Variants in RPAP2 observed in about 807,000 individuals in gnomAD.
RPAP2 encodes putative RNA polymerase II subunit B1 CTD phosphatase RPAP2.
RPAP2 carries 52 observed loss-of-function variants against 73.1 expected under a neutral mutation model. That is an observed-to-expected ratio of 0.71 (90% CI 0.57 to 0.90). RPAP2 has a LOEUF of 0.90. Ranked by LOEUF, RPAP2 falls within the 40% of genes least tolerant of loss-of-function variation. The pLI is 0.00. For missense variants in RPAP2, 598 were observed against 701.8 expected (o/e 0.85, Z 1.67); for synonymous variants, 225 against 242.1 (o/e 0.93, Z 0.65).
intron 3 of RPAP2, among the ~76,000 whole-genome samples, chr1:92,302,183 A>C (rs1385066885): frequency 6.6e-6 from 1 of 152,164 alleles, no homozygotes; most frequent in African/African-American, 2.4e-5. Flanking sequence ...AGGCTGAGGC[A>C]TGAGAATCAC....
chr1:92,344,917 T>C (rs1243103310), intron 10 of RPAP2, among the ~76,000 whole-genome samples: 1 of 152,212 alleles, frequency 6.6e-6, no homozygotes, highest in Non-Finnish European at 1.5e-5. Flanking sequence ...TATTGGCTGA[T>C]ATTTTCTTAT....
intron 6 of RPAP2, among the ~76,000 whole-genome samples, chr1:92,318,639 C>T (rs1207762485): frequency 6.6e-6 from 1 of 152,222 alleles, no homozygotes; most frequent in East Asian, 1.9e-4. Flanking sequence ...TTCATATGGG[C>T]TCTCATTTCT....
Position 92,323,469 on chromosome 1 carries a change from G to A in RPAP2, c.549G>A (p.Gln183=), listed in dbSNP as rs752220922. 12 of 1,607,758 alleles carry A rather than the reference G, an allele frequency of 7.5e-6. No homozygotes were observed. Among genetic ancestry groups the A allele is most frequent in the Non-Finnish European group, 9.4e-6 (11 of 1,176,304 alleles). ...EQSGHSGEEV[Q]LCSKAIKTSD... Reference sequence around the variant, plus strand: ...GTGGCCATTCTGGAGAAGAAGTACAGTTATGCAGTAAAGCCATTAAAACAT... The same window carrying A: ...GTGGCCATTCTGGAGAAGAAGTACAATTATGCAGTAAAGCCATTAAAACAT... Residue 183 remains glutamine (Q), a synonymous_variant, in exon 8 of 13, where the codon CAG becomes CAA. Transcript: ENST00000610020.
chr1:92,359,915 G>A (rs764335255), intron 11 of RPAP2, among the ~76,000 whole-genome samples: 3 of 151,912 alleles, frequency 2.0e-5, no homozygotes, highest in Non-Finnish European at 4.4e-5. Flanking sequence ...GGGGAGGGAG[G>A]GGAAACAGAC....
intron 11 of RPAP2, among the ~76,000 whole-genome samples, chr1:92,370,227 T>C (rs536321790): frequency 3.3e-5 from 5 of 152,322 alleles, no homozygotes; most frequent in African/African-American, 1.2e-4. Flanking sequence ...TGTTTTGTTT[T>C]ATATTTTGAA....
chr1:92,381,659 A>C (rs1023687985), intron 12 of RPAP2, among the ~76,000 whole-genome samples: 10 of 151,330 alleles, frequency 6.6e-5, no homozygotes, highest in Non-Finnish European at 1.0e-4. Context: ...AAAATTAAGC[A>C]ATACAGACTG....
chr1:92,363,634 A>G, intron 11 of RPAP2: 1 of 254,308 alleles, frequency 3.9e-6, no homozygotes, highest in Non-Finnish European at 7.9e-6. Flanking sequence ...GTCCACTTCT[A>G]TGCGGATATT....
chr1:92,337,632 A>G (rs1043541149), intron 10 of RPAP2, among the ~76,000 whole-genome samples: 2 of 152,182 alleles, frequency 1.3e-5, no homozygotes, highest in South Asian at 4.1e-4. Context: ...ACTTTGAGTA[A>G]ACAAAATGTA....
At chr1:92,355,597 A>G (rs1047222083) in intron 11 of RPAP2, among the ~76,000 whole-genome samples, 1 of 152,204 alleles carries the variant, frequency 6.6e-6, no homozygotes, top group African/African-American at 2.4e-5. Flanking sequence ...TTCTATGGAA[A>G]GATTTCAGAG....
chr1:92,353,544 T>G (rs1654318053), intron 11 of RPAP2, among the ~76,000 whole-genome samples: 1 of 152,250 alleles, frequency 6.6e-6, no homozygotes, highest in South Asian at 2.1e-4. Context: ...GTGTTCATAG[T>G]GTTCAATTTG....
intron 8 of RPAP2, among the ~76,000 whole-genome samples, chr1:92,328,441 A>C (rs1214454777): frequency 6.6e-6 from 1 of 152,190 alleles, no homozygotes; most frequent in Non-Finnish European, 1.5e-5. Flanking sequence ...TTTATTGCTG[A>C]GACTTTCCAG....
chr1:92,314,449 C>A (rs1391278660), intron 6 of RPAP2, among the ~76,000 whole-genome samples: 7 of 151,570 alleles, frequency 4.6e-5, no homozygotes, highest in Non-Finnish European at 1.0e-4. Flanking sequence ...GATCTCACAA[C>A]TGATAGACTC....
At chr1:92,350,370 C>CT (rs562525462) in intron 11 of RPAP2, among the ~76,000 whole-genome samples, 206 of 152,224 alleles carry the variant, frequency 1.4e-3, no homozygotes, top group African/African-American at 4.6e-3. Flanking sequence ...AATTGATTGA[C>CT]TTTTTTTAGA....
rs1656252076 is a variant in RPAP2 at position 92,399,020 on chromosome 1, G to A, written c.*12009G>A. ...TCCCTCAGCAAAAATACTGTGTTTT[G>A]GAAAACATTACCAATAAAGGAGCTG... On this transcript the variant is annotated 3_prime_UTR_variant, in exon 13 of 13. Coordinates refer to ENST00000610020, the MANE Select transcript of RPAP2 (RefSeq NM_024813.3). 1.3e-5 allele frequency: 2 copies of A among 152,126 alleles called. No individual in the cohort carries two copies. Among genetic ancestry groups the A allele is most frequent in the Admixed American group, 1.3e-4 (2 of 15,264 alleles). 9.4% of individuals were successfully genotyped at this position (152,126 alleles called of 1,614,324 possible).
intron 1 of RPAP2, 53 bp downstream of exon 1, chr1:92,299,199 C>T: frequency 8.4e-7 from 1 of 1,187,832 alleles, no homozygotes; most frequent in Non-Finnish European, 1.2e-6. Context: ...GGGCCCCGAT[C>T]TCGAGTTATA....
chr1:92,312,516 G>A (rs534788032), intron 6 of RPAP2, among the ~76,000 whole-genome samples: 2 of 152,152 alleles, frequency 1.3e-5, no homozygotes, highest in East Asian at 1.9e-4. Flanking sequence ...CCATTTCAAC[G>A]ATGTTGACAG....
In RPAP2 at chr1:92,307,223, GT is replaced by G. The variant is rs755372232; in HGVS notation, c.441del (p.Phe147LeufsTer24). ...CSNFCYQASK[F>X]FEAQIPKTPV... ...GCAATTTTTGTTATCAAGCATCTAAGTTTTTTGAAGCACAAATTCCCAAAAC... is the reference window on the plus strand; with the variant it reads ...GCAATTTTTGTTATCAAGCATCTAAGTTTTTGAAGCACAAATTCCCAAAAC... On this transcript the variant is annotated frameshift_variant, in exon 6 of 13. Transcript: ENST00000610020. LOFTEE classifies it high-confidence loss of function. 4 of 1,612,130 alleles carry G rather than the reference GT, an allele frequency of 2.5e-6. No individual in the cohort carries two copies. In the African/African-American group the frequency reaches 5.3e-5, roughly 22 times the overall value.
intron 10 of RPAP2, among the ~76,000 whole-genome samples, chr1:92,342,761 G>A (rs1014055374): frequency 7.2e-5 from 11 of 152,154 alleles, no homozygotes; most frequent in African/African-American, 2.7e-4. Flanking sequence ...GACATGGGAT[G>A]TGAGAGAGTC....
chr1:92,347,074 G>A (rs1653941746), intron 11 of RPAP2, among the ~76,000 whole-genome samples: 1 of 152,092 alleles, frequency 6.6e-6, no homozygotes, highest in Non-Finnish European at 1.5e-5. Flanking sequence ...CATTAGAGTA[G>A]GCTTCAGTGA....
Sources: gnomAD v4.1 joint callset for allele counts (sites outside exome capture counted in the v4.1 genomes callset) on GRCh38, gnomAD v4.1.1 for gene constraint, MANE v1.5 for transcripts, NCBI Gene and HGNC (gene_info 2026-07-23, HGNC 2026-07-21) for gene names.